The following CDIN1 variants were observed in gnomAD, a reference collection of about 807,000 sequenced individuals.
The protein encoded by CDIN1 is CDAN1-interacting nuclease 1.
In CDIN1, 33 loss-of-function variants were observed where a neutral mutation model predicts 45.3. The ratio of observed to expected loss-of-function variants is 0.73; its 90% confidence interval spans 0.55 to 0.97. CDIN1 has a LOEUF of 0.97. CDIN1 is among the 50% of genes least tolerant of loss of function. The pLI, the probability that CDIN1 is intolerant of heterozygous loss-of-function variation, is 0.00. For synonymous variants in CDIN1, 118 were observed against 124.4 expected (o/e 0.95, Z 0.34); for missense variants, 303 against 339.4 (o/e 0.89, Z 0.84).
intron 10 of CDIN1, among the ~76,000 whole-genome samples, chr15:36,722,978 TGTGTG>T (rs1165364438): frequency 1.5e-5 from 2 of 134,352 alleles, no homozygotes. Flanking sequence ...TGTGTGTGTG[TGTGTG>T]TGTTTCTCTC....
chr15:36,691,493 A>G (rs2042249142), intron 5 of CDIN1, among the ~76,000 whole-genome samples, 192 bp from the exon 6 acceptor site: 1 of 151,866 alleles, frequency 6.6e-6, no homozygotes, highest in South Asian at 2.1e-4. Context: ...CAAATCTGGT[A>G]GTGTGGCTTA....
At chr15:36,645,197 T>C in intron 2 of CDIN1, 26 bp from the exon 3 acceptor site, 1 of 1,525,776 alleles carries the variant, frequency 6.6e-7, no homozygotes, top group Non-Finnish European at 8.9e-7. Context: ...AAAGATTTTT[T>C]TGTGTTGTTG....
At chr15:36,581,157 T>G (rs1314686363) in intron 1 of CDIN1, among the ~76,000 whole-genome samples, 2 of 152,232 alleles carry the variant, frequency 1.3e-5, no homozygotes, top group Non-Finnish European at 2.9e-5. Flanking sequence ...TCATTAACTC[T>G]TGCCAGTTCT....
chr15:36,793,579 A>G (rs2054705280), intron 10 of CDIN1, among the ~76,000 whole-genome samples: 1 of 152,210 alleles, frequency 6.6e-6, no homozygotes, highest in Non-Finnish European at 1.5e-5. Flanking sequence ...TCACTTGAAG[A>G]ATAGAACCAG....
chr15:36,626,528 T>C, intron 1 of CDIN1: 1 of 189,972 alleles, frequency 5.3e-6, no homozygotes, highest in Non-Finnish European at 1.1e-5. Flanking sequence ...GATTCAGTTT[T>C]GCAAACATAT....
At position 36,657,873 on chromosome 15, in the gene CDIN1, A is replaced by T; in HGVS notation, c.314A>T (p.Glu105Val). The T allele has an allele frequency of 6.2e-7, 1 of 1,612,044 alleles. No individual in the cohort carries two copies. Among genetic ancestry groups the T allele is most frequent in the Non-Finnish European group, 8.5e-7 (1 of 1,179,024 alleles). The change falls in exon 5 of 11, where the codon GAG becomes GTG. Residue 105 changes from glutamate to valine, a missense_variant. Coordinates refer to ENST00000566621, the MANE Select transcript of CDIN1 (RefSeq NM_001321759.2). Reference protein sequence around the residue: ...APSLMARLILERFLQEHEETP... With the variant: ...APSLMARLILVRFLQEHEETP... ...TCATTAATGGCTCGGCTTATACTGG[A>T]GAGGTTTCTACAGGAACACGAGGAA...
intron 10 of CDIN1, among the ~76,000 whole-genome samples, chr15:36,718,574 G>A (rs148323256): frequency 5.3e-5 from 8 of 151,946 alleles, no homozygotes; most frequent in African/African-American, 1.7e-4. Context: ...CACATTTTTT[G>A]TATTGATTGA....
intron 10 of CDIN1, among the ~76,000 whole-genome samples, chr15:36,764,326 T>C (rs2053855261): frequency 6.6e-6 from 1 of 151,984 alleles, no homozygotes; most frequent in Admixed American, 6.6e-5. Flanking sequence ...AATTCTGTTT[T>C]TACTGTTTTA....
intron 5 of CDIN1, among the ~76,000 whole-genome samples, chr15:36,677,192 A>G (rs1021063500): frequency 2.0e-5 from 3 of 152,162 alleles, no homozygotes; most frequent in African/African-American, 7.2e-5. Flanking sequence ...CAGCTTGCCA[A>G]ATACCCTGAC....
chr15:36,766,788 T>C (rs991095747), intron 10 of CDIN1, among the ~76,000 whole-genome samples: 12 of 152,202 alleles, frequency 7.9e-5, no homozygotes, highest in African/African-American at 2.7e-4. Context: ...TCTTGTTATT[T>C]GATTTTGGGA....
chr15:36,738,585 T>C (rs1488797822), intron 10 of CDIN1, among the ~76,000 whole-genome samples: 1 of 152,134 alleles, frequency 6.6e-6, no homozygotes, highest in Non-Finnish European at 1.5e-5. Flanking sequence ...CTCAAACTTG[T>C]CAAGTACGTT....
intron 1 of CDIN1, among the ~76,000 whole-genome samples, chr15:36,581,789 A>T (rs985330774): frequency 1.3e-5 from 2 of 152,238 alleles, no homozygotes; most frequent in African/African-American, 4.8e-5. Context: ...CCTGAGGCTG[A>T]GGTGGGTGAA....
chr15:36,628,492 T>C (rs1422240714), intron 1 of CDIN1, among the ~76,000 whole-genome samples: 1 of 152,204 alleles, frequency 6.6e-6, no homozygotes, highest in African/African-American at 2.4e-5. Context: ...TAAAAATTTG[T>C]GTGTAGGGCT....
At chr15:36,708,650 T>C (rs772194383) in intron 8 of CDIN1, 2 of 152,076 alleles carry the variant, frequency 1.3e-5, no homozygotes, top group Non-Finnish European at 2.9e-5. Context: ...CATATTGTTA[T>C]AAAACTCAGG....
At chr15:36,638,635 C>T (rs2039993023) in intron 1 of CDIN1, among the ~76,000 whole-genome samples, 1 of 152,160 alleles carries the variant, frequency 6.6e-6, no homozygotes. Flanking sequence ...TTTCTGCAGT[C>T]AGTAGTTCCT....
In CDIN1 at chr15:36,645,246, C is replaced by A. The variant is rs1282258085; in HGVS notation, c.171C>A (p.Ala57=). 1 of 1,552,922 alleles carries A rather than the reference C, an allele frequency of 6.4e-7. No individual in the cohort carries two copies. The highest frequency in any genetic ancestry group is 2.4e-5 in the East Asian group (1 of 41,166). ...AGAAACACATTAAAAGAACACATGCCAAACATCATACTTCGGAAGCAATTG... is the reference window on the plus strand; with the variant it reads ...AGAAACACATTAAAAGAACACATGCAAAACATCATACTTCGGAAGCAATTG... ...EYQKHIKRTH[A]KHHTSEAIES... The change falls in exon 3 of 11, where the codon GCC becomes GCA. Residue 57 remains alanine, a synonymous_variant. Transcript: ENST00000566621.
At chr15:36,695,347 A>C (rs528819043) in intron 7 of CDIN1, among the ~76,000 whole-genome samples, 18 of 152,194 alleles carry the variant, frequency 1.2e-4, no homozygotes, top group African/African-American at 4.3e-4. Flanking sequence ...GTAATGATTC[A>C]CATAATTATT....
At chr15:36,692,457 C>G (rs1240714273) in intron 7 of CDIN1, among the ~76,000 whole-genome samples, 2 of 152,096 alleles carry the variant, frequency 1.3e-5, no homozygotes, top group Admixed American at 1.3e-4. Flanking sequence ...AGTCATTAGG[C>G]AGGTAACGTA....
At chr15:36,611,041 C>G (rs545679437) in intron 1 of CDIN1, among the ~76,000 whole-genome samples, 1 of 152,132 alleles carries the variant, frequency 6.6e-6, no homozygotes, top group Admixed American at 6.5e-5. Flanking sequence ...ATTCTCTTAG[C>G]GTTATGTTAC....
Sources: gnomAD v4.1 joint callset for allele counts (sites outside exome capture counted in the v4.1 genomes callset) on GRCh38, gnomAD v4.1.1 for gene constraint, MANE v1.5 for transcripts, NCBI Gene and HGNC (gene_info 2026-07-23, HGNC 2026-07-21) for gene names.